LPAR1: variants seen among roughly 807,000 people sequenced by gnomAD.
LPAR1 encodes the protein LPA receptor 1.
Under a neutral mutation model 23.8 loss-of-function variants are expected in LPAR1, and 5 were observed. The ratio of observed to expected loss-of-function variants is 0.21; its 90% confidence interval spans 0.11 to 0.44. The LOEUF is 0.44. Among genes scored for constraint, LPAR1 ranks in the 20% least tolerant of loss-of-function variants. The pLI is 0.99. For missense variants in LPAR1, 311 were observed against 482.8 expected (o/e 0.64, Z 3.33); for synonymous variants, 160 against 164.7 (o/e 0.97, Z 0.22).
chr9:111,021,259 T>C (rs2097555218), intron 2 of LPAR1, among the ~76,000 whole-genome samples: 1 of 152,174 alleles, frequency 6.6e-6, no homozygotes, highest in Non-Finnish European at 1.5e-5. Context: ...TATATATGTA[T>C]ATCACCATCA....
intron 5 of LPAR1, among the ~76,000 whole-genome samples, chr9:110,905,742 A>G (rs887157846): frequency 5.3e-5 from 8 of 152,196 alleles, no homozygotes; most frequent in African/African-American, 1.9e-4. Context: ...AGTAATATGT[A>G]AGGATTTAAA....
At chr9:110,929,692 C>T (rs1029860511) in intron 5 of LPAR1, among the ~76,000 whole-genome samples, 1 of 140,668 alleles carries the variant, frequency 7.1e-6, no homozygotes, top group Non-Finnish European at 1.5e-5. Context: ...TATTTCCCAG[C>T]CAATAATGTG....
At chr9:110,990,375 G>T (rs1369979580) in intron 2 of LPAR1, among the ~76,000 whole-genome samples, 2 of 151,956 alleles carry the variant, frequency 1.3e-5, no homozygotes, top group African/African-American at 4.8e-5. Context: ...AAATGTAAAA[G>T]AATTTGAGTC....
intron 4 of LPAR1, among the ~76,000 whole-genome samples, chr9:110,959,482 G>T (rs2095878217): frequency 6.6e-6 from 1 of 152,074 alleles, no homozygotes; most frequent in South Asian, 2.1e-4. Flanking sequence ...GCCAGGCATG[G>T]TGGTACACAC....
intron 4 of LPAR1, among the ~76,000 whole-genome samples, chr9:110,962,513 C>T (rs1480517514): frequency 6.6e-6 from 1 of 152,164 alleles, no homozygotes; most frequent in Non-Finnish European, 1.5e-5. Flanking sequence ...ACTTTGAAAT[C>T]AGCCAACTAG....
In LPAR1 at chr9:110,948,933, T is replaced by A. The variant is rs181691038; in HGVS notation, c.46-6765A>T. Reference sequence around the variant, plus strand: ...ATCAAGAAAAAAAAAAAAAAAGATATCCCTACTTGCACTGGGAAGAACAAG... The same window carrying A: ...ATCAAGAAAAAAAAAAAAAAAGATAACCCTACTTGCACTGGGAAGAACAAG... On this transcript the variant is annotated intron_variant, in intron 4 of 5. Transcript: ENST00000683809. Among the ~76,000 whole-genome samples the A allele has an allele frequency of 3.4e-4, 37 of 108,598 alleles. No individual in the cohort carries two copies. The East Asian group carries it at 7.7e-3, about 23-fold the overall frequency. The allele number at this position is 108,598 out of a possible 152,430, so 71.2% of individuals were successfully genotyped here.
intron 2 of LPAR1, among the ~76,000 whole-genome samples, chr9:110,981,680 A>C (rs2139014319): frequency 6.6e-6 from 1 of 152,226 alleles, no homozygotes; most frequent in East Asian, 1.9e-4. Flanking sequence ...GTGCCATGGA[A>C]GTCTGGCTTG....
At chr9:110,975,247 G>A (rs2096530942) in intron 2 of LPAR1, among the ~76,000 whole-genome samples, 1 of 152,164 alleles carries the variant, frequency 6.6e-6, no homozygotes, top group African/African-American at 2.4e-5. Flanking sequence ...ACCTAGCTTA[G>A]AGTAAGGAAA....
chr9:110,944,016 T>C (rs938485705), intron 4 of LPAR1, among the ~76,000 whole-genome samples: 3 of 152,286 alleles, frequency 2.0e-5, no homozygotes, highest in Middle Eastern at 3.4e-3. Context: ...CAACTCAAGA[T>C]ATTAATGACT....
At position 110,873,825 on chromosome 9, in the gene LPAR1, C is replaced by T. The variant is rs2078576325; in HGVS notation, c.*1596G>A. 6.6e-6 allele frequency: 1 copy of T among 152,174 alleles called. No homozygotes were observed. The allele number at this position is 152,174 out of a possible 1,614,324, so 9.4% of individuals were successfully genotyped here. ...GGCACATTTGGTTTCTTTGCATTTT[C>T]TTCCATTTTACATTGCAGGTGTGGC... On this transcript the variant is annotated 3_prime_UTR_variant, in exon 6 of 6. Transcript: ENST00000683809.
intron 2 of LPAR1, among the ~76,000 whole-genome samples, chr9:111,013,921 A>G (rs2097384588): frequency 6.6e-6 from 1 of 152,186 alleles, no homozygotes; most frequent in Non-Finnish European, 1.5e-5. Flanking sequence ...ATCATTCAGA[A>G]TTGCCTGTGA....
At chr9:110,945,667 T>A (rs1347880704) in intron 4 of LPAR1, among the ~76,000 whole-genome samples, 2 of 152,172 alleles carry the variant, frequency 1.3e-5, no homozygotes, top group African/African-American at 4.8e-5. Context: ...AAGTCCAAAA[T>A]AGGTCTCACA....
At chr9:111,036,368 TGAGGA>T (rs2097894156) in intron 1 of LPAR1, among the ~76,000 whole-genome samples, 167 bp from the exon 2 acceptor site, 1 of 148,796 alleles carries the variant, frequency 6.7e-6, no homozygotes, top group East Asian at 1.9e-4. Flanking sequence ...TTGAGTCCCT[TGAGGA>T]AAGGAAAAAA....
chr9:110,996,354 C>T (rs946033696), intron 2 of LPAR1, among the ~76,000 whole-genome samples: 1 of 151,804 alleles, frequency 6.6e-6, no homozygotes, highest in African/African-American at 2.4e-5. Flanking sequence ...ACCAGGGGTT[C>T]GAGACCAGCC....
At position 110,878,270 on chromosome 9, in the gene LPAR1, G is replaced by A. The variant is rs184976852; in HGVS notation, c.794-2548C>T. On this transcript the variant is annotated intron_variant, in intron 5 of 5. Transcript: ENST00000683809. ...AAAACCAATCATATGGAAATTCTGCGCCCCCCTCCCCCTCCTTTCTATTTC... is the reference window on the plus strand; with the variant it reads ...AAAACCAATCATATGGAAATTCTGCACCCCCCTCCCCCTCCTTTCTATTTC... Among the ~76,000 whole-genome samples, 322 of 151,988 alleles carry A rather than the reference G, an allele frequency of 2.1e-3. 1 individual carries two copies. Among genetic ancestry groups the A allele is most frequent in the Non-Finnish European group, 1.9e-3 (128 of 67,992 alleles).
At chr9:111,020,508 T>G (rs1292488739) in intron 2 of LPAR1, among the ~76,000 whole-genome samples, 1 of 152,166 alleles carries the variant, frequency 6.6e-6, no homozygotes, top group African/African-American at 2.4e-5. Flanking sequence ...CCTGGGAGCT[T>G]TAGACTTTTG....
chr9:110,991,803 G>A (rs2096900719), intron 2 of LPAR1, among the ~76,000 whole-genome samples: 1 of 152,068 alleles, frequency 6.6e-6, no homozygotes, highest in Non-Finnish European at 1.5e-5. Context: ...ATGTTGGTCA[G>A]GCTGGTCTCA....
At chr9:110,944,126 G>A (rs1451720271) in intron 4 of LPAR1, among the ~76,000 whole-genome samples, 1 of 152,252 alleles carries the variant, frequency 6.6e-6, no homozygotes, top group South Asian at 2.1e-4. Flanking sequence ...AGAATTACCT[G>A]AGAGTTTGTA....
chr9:110,957,919 T>C (rs987730468), intron 4 of LPAR1, among the ~76,000 whole-genome samples: 1 of 152,060 alleles, frequency 6.6e-6, no homozygotes, highest in Non-Finnish European at 1.5e-5. Context: ...AAATCAATAG[T>C]GTTTTTACAC....
Sources: allele counts gnomAD v4.1 joint callset (sites outside exome capture counted in the v4.1 genomes callset), GRCh38; gene constraint gnomAD v4.1.1; transcripts MANE v1.5; gene names NCBI Gene and HGNC (gene_info 2026-07-23, HGNC 2026-07-21).